The following NDUFAF2 variants were observed in gnomAD, a reference collection of about 807,000 sequenced individuals.
The protein encoded by NDUFAF2 is NADH dehydrogenase [ubiquinone] 1 alpha subcomplex assembly factor 2.
A neutral mutation model predicts 22.8 loss-of-function variants in NDUFAF2; 13 were observed. That is an observed-to-expected ratio of 0.57 (90% CI 0.37 to 0.91). NDUFAF2 has a LOEUF of 0.91. NDUFAF2 is among the 40% of genes least tolerant of loss of function. The probability of loss-of-function intolerance (pLI) is 0.01; values close to 1 mark genes in which losing one functional copy is unlikely to be tolerated. For missense variants in NDUFAF2, 162 were observed against 195.2 expected (o/e 0.83, Z 1.01); for synonymous variants, 53 against 64.2 (o/e 0.83, Z 0.84).
intron 1 of NDUFAF2, among the ~76,000 whole-genome samples, chr5:61,014,211 G>A (rs1751478437): frequency 6.6e-6 from 1 of 152,220 alleles, no homozygotes; most frequent in Admixed American, 6.5e-5. Context: ...ACCAAGGCCA[G>A]TGATTTAAGC....
chr5:61,061,338 T>A (rs1048083953), intron 1 of NDUFAF2, among the ~76,000 whole-genome samples: 2 of 152,134 alleles, frequency 1.3e-5, no homozygotes, highest in African/African-American at 4.8e-5. Context: ...GCAAGAGCCC[T>A]TTTATCGCTC....
chr5:60,949,286 A>G (rs1750508928), intron 1 of NDUFAF2, among the ~76,000 whole-genome samples: 1 of 152,114 alleles, frequency 6.6e-6, no homozygotes, highest in Non-Finnish European at 1.5e-5. Flanking sequence ...AGACTGTCCC[A>G]CATGTATACT....
chr5:60,965,386 T>C (rs1750746912), intron 1 of NDUFAF2, among the ~76,000 whole-genome samples: 2 of 152,218 alleles, frequency 1.3e-5, no homozygotes, highest in Non-Finnish European at 2.9e-5. Flanking sequence ...GTGAGAACAC[T>C]TAAGATCTAC....
chr5:61,121,066 G>A (rs891659349), intron 3 of NDUFAF2, among the ~76,000 whole-genome samples: 3 of 152,100 alleles, frequency 2.0e-5, no homozygotes, highest in Admixed American at 1.3e-4. Context: ...AACCCCTATA[G>A]GATACTAAGC....
chr5:61,089,634 C>T (rs1752543427), intron 2 of NDUFAF2, among the ~76,000 whole-genome samples: 1 of 152,020 alleles, frequency 6.6e-6, no homozygotes, highest in Non-Finnish European at 1.5e-5. Flanking sequence ...TATAAATATA[C>T]AAGCTTATTT....
At chr5:61,007,343 A>C (rs1045808575) in intron 1 of NDUFAF2, among the ~76,000 whole-genome samples, 2 of 152,048 alleles carry the variant, frequency 1.3e-5, no homozygotes, top group Non-Finnish European at 2.9e-5. Context: ...ATGGCTAGCC[A>C]GTTTTCCCAG....
chr5:61,040,251 GAC>G (rs55910021), intron 1 of NDUFAF2, among the ~76,000 whole-genome samples: 9,852 of 131,530 alleles, frequency 0.075, 429 homozygotes, highest in South Asian at 0.12. Flanking sequence ...AAGAGGAAAG[GAC>G]ACACACACAC....
At chr5:60,947,558 G>T (rs1469146556) in intron 1 of NDUFAF2, among the ~76,000 whole-genome samples, 1 of 152,060 alleles carries the variant, frequency 6.6e-6, no homozygotes, top group Non-Finnish European at 1.5e-5. Flanking sequence ...CTGAGATCAG[G>T]AGTTCCAGAC....
chr5:61,103,875 A>G (rs536641288), intron 3 of NDUFAF2, among the ~76,000 whole-genome samples: 6 of 152,092 alleles, frequency 3.9e-5, no homozygotes, highest in Non-Finnish European at 7.4e-5. Context: ...AGTAGAAACT[A>G]TACTTCTGAG....
At chr5:60,984,976 C>T (rs1404384204) in intron 1 of NDUFAF2, among the ~76,000 whole-genome samples, 1 of 152,174 alleles carries the variant, frequency 6.6e-6, no homozygotes, top group Non-Finnish European at 1.5e-5. Context: ...ATGGTACCAG[C>T]TCCTCCTTGT....
intron 3 of NDUFAF2, among the ~76,000 whole-genome samples, chr5:61,150,412 C>G: frequency 6.6e-6 from 1 of 152,028 alleles, no homozygotes; most frequent in East Asian, 1.9e-4. Flanking sequence ...AATCTTTAAC[C>G]ATCTTCATAT....
intron 1 of NDUFAF2, among the ~76,000 whole-genome samples, chr5:61,051,789 T>C (rs1464920837): frequency 6.6e-6 from 1 of 151,982 alleles, no homozygotes; most frequent in African/African-American, 2.4e-5. Flanking sequence ...AAAATTGCAG[T>C]GAAAGGAGGA....
chr5:61,049,250 G>A (rs1268113995), intron 1 of NDUFAF2, among the ~76,000 whole-genome samples: 2 of 151,792 alleles, frequency 1.3e-5, no homozygotes, highest in Non-Finnish European at 1.5e-5. Context: ...AGCCTTACTT[G>A]GTACAAAGAG....
chr5:61,121,864 T>C (rs1042881010), intron 3 of NDUFAF2, among the ~76,000 whole-genome samples: 1 of 150,016 alleles, frequency 6.7e-6, no homozygotes, highest in Non-Finnish European at 1.5e-5. Flanking sequence ...ACAGTCTTGC[T>C]CTGTTACCAA....
intron 1 of NDUFAF2, among the ~76,000 whole-genome samples, chr5:60,996,634 A>T (rs1247780989): frequency 1.3e-5 from 2 of 152,152 alleles, no homozygotes; most frequent in African/African-American, 4.8e-5. Flanking sequence ...TATGGCCTAG[A>T]CTGCCTTCAA....
intron 1 of NDUFAF2, among the ~76,000 whole-genome samples, chr5:61,067,795 A>G (rs1384326265): frequency 6.6e-6 from 1 of 151,936 alleles, no homozygotes; most frequent in African/African-American, 2.4e-5. Context: ...AAGTGTTCCT[A>G]TTTCTCCACA....
chr5:61,044,987 T>C (rs548390104), intron 1 of NDUFAF2, among the ~76,000 whole-genome samples: 1 of 150,378 alleles, frequency 6.6e-6, no homozygotes, highest in South Asian at 2.1e-4. Flanking sequence ...TATTTGTGTA[T>C]TTTAAAATTT....
intron 3 of NDUFAF2, among the ~76,000 whole-genome samples, chr5:61,124,947 A>T (rs1753017729): frequency 6.6e-6 from 1 of 152,076 alleles, no homozygotes; most frequent in South Asian, 2.1e-4. Context: ...GAAATAAGGC[A>T]CATCTTAGAT....
At chr5:61,014,449 G>T (rs932351091) in intron 1 of NDUFAF2, among the ~76,000 whole-genome samples, 1 of 152,096 alleles carries the variant, frequency 6.6e-6, no homozygotes, top group Non-Finnish European at 1.5e-5. Context: ...ATTGTAAGTA[G>T]GTGGTAGTGA....
Sources: allele counts gnomAD v4.1 joint callset (sites outside exome capture counted in the v4.1 genomes callset), GRCh38; gene constraint gnomAD v4.1.1; transcripts MANE v1.5; gene names NCBI Gene and HGNC (gene_info 2026-07-23, HGNC 2026-07-21).